Variants in TRAPPC12 observed in about 807,000 individuals in gnomAD.
TRAPPC12 encodes the protein TPR repeat protein 15.
Under a neutral mutation model 69.2 loss-of-function variants are expected in TRAPPC12, and 61 were observed. The ratio of observed to expected loss-of-function variants is 0.88; its 90% CI spans 0.72 to 1.09. The LOEUF (loss-of-function observed/expected upper bound fraction) is 1.09. Among genes scored for constraint, TRAPPC12 ranks in the 50% least tolerant of loss-of-function variants. TRAPPC12 has a pLI of 0.00. For missense variants in TRAPPC12, 1,101 were observed against 1,016.4 expected (o/e 1.08, Z -1.13); for synonymous variants, 469 against 438.9 (o/e 1.07, Z -0.86).
intron 2 of TRAPPC12, among the ~76,000 whole-genome samples, chr2:3,392,886 C>T (rs1660902433): frequency 6.6e-6 from 1 of 152,248 alleles, no homozygotes; most frequent in African/African-American, 2.4e-5. Context: ...GCGCTCCATG[C>T]TCACTGCAGA....
intron 5 of TRAPPC12, among the ~76,000 whole-genome samples, chr2:3,438,433 A>C: frequency 1.0e-5 from 1 of 96,038 alleles, no homozygotes; most frequent in African/African-American, 4.2e-5. Context: ...TAATACACCC[A>C]CTACCTCTGG....
chr2:3,467,385 T>C (rs982588338), intron 9 of TRAPPC12: 4 of 152,264 alleles, frequency 2.6e-5, no homozygotes, highest in African/African-American at 9.6e-5. Context: ...TGGGTATTTT[T>C]ACTGTTGCTG....
At chr2:3,403,799 A>C (rs1159820882) in intron 3 of TRAPPC12, among the ~76,000 whole-genome samples, 1 of 152,196 alleles carries the variant, frequency 6.6e-6, no homozygotes, top group Non-Finnish European at 1.5e-5. Context: ...TCAGAAGAAA[A>C]TAATCCCAGT....
intron 3 of TRAPPC12, among the ~76,000 whole-genome samples, chr2:3,421,014 C>G (rs1572133586): frequency 6.6e-6 from 1 of 152,216 alleles, no homozygotes; most frequent in South Asian, 2.1e-4. Flanking sequence ...ACTAACCTCC[C>G]CGCCAGCCTT....
At chr2:3,448,056 G>GT (rs1664610573) in intron 6 of TRAPPC12, among the ~76,000 whole-genome samples, 1 of 152,220 alleles carries the variant, frequency 6.6e-6, no homozygotes, top group African/African-American at 2.4e-5. Flanking sequence ...GTGCAGTCAC[G>GT]TGTTAACGCT....
chr2:3,466,893 CAT>C (rs916303924), intron 9 of TRAPPC12, among the ~76,000 whole-genome samples: 19 of 152,330 alleles, frequency 1.2e-4, no homozygotes, highest in African/African-American at 4.1e-4. Context: ...CAGGCTGCCT[CAT>C]GTGTAACATT....
intron 1 of TRAPPC12, among the ~76,000 whole-genome samples, chr2:3,381,587 G>A (rs369155538): frequency 9.8e-5 from 15 of 152,300 alleles, no homozygotes; most frequent in African/African-American, 3.6e-4. Flanking sequence ...CCAATGATAG[G>A]AGGGAGTAAA....
chr2:3,469,159 C>A (rs1004894552), intron 9 of TRAPPC12, among the ~76,000 whole-genome samples: 2 of 152,172 alleles, frequency 1.3e-5, no homozygotes, highest in African/African-American at 2.4e-5. Context: ...CAAGAAAGCA[C>A]GTGTGTTTTC....
chr2:3,432,299 C>T (rs1438792250), intron 5 of TRAPPC12, among the ~76,000 whole-genome samples: 1 of 152,214 alleles, frequency 6.6e-6, no homozygotes, highest in Non-Finnish European at 1.5e-5. Flanking sequence ...ATGGGGCAAA[C>T]ACTTCCATTA....
chr2:3,380,408 A>T (rs1660152565), intron 1 of TRAPPC12, among the ~76,000 whole-genome samples: 1 of 152,270 alleles, frequency 6.6e-6, no homozygotes, highest in African/African-American at 2.4e-5. Flanking sequence ...ATTGTAGAGT[A>T]TATTTACTGT....
intron 5 of TRAPPC12, among the ~76,000 whole-genome samples, chr2:3,430,503 G>C (rs1265477411): frequency 6.6e-6 from 1 of 152,140 alleles, no homozygotes; most frequent in African/African-American, 2.4e-5. Flanking sequence ...CATAATCTTG[G>C]CCTGTATTTC....
At chr2:3,386,490 G>C (rs894497138) in intron 1 of TRAPPC12, among the ~76,000 whole-genome samples, 8 of 152,152 alleles carry the variant, frequency 5.3e-5, no homozygotes, top group Non-Finnish European at 1.2e-4. Flanking sequence ...CGAAGACAGT[G>C]ATAGCAGCTG....
chr2:3,458,124 G>A, intron 7 of TRAPPC12: 1 of 1,025,636 alleles, frequency 9.8e-7, no homozygotes, highest in South Asian at 3.8e-5. Flanking sequence ...TGGAGAGGAA[G>A]GCCCAGAGCC....
chr2:3,393,541 C>T (rs73145203), intron 2 of TRAPPC12, among the ~76,000 whole-genome samples: 18,868 of 152,068 alleles, frequency 0.12, 1,244 homozygotes, highest in Middle Eastern at 0.28. Flanking sequence ...TGGGTAGTGA[C>T]GGTTGTGTTA....
intron 6 of TRAPPC12, among the ~76,000 whole-genome samples, chr2:3,450,900 A>G (rs1043663473): frequency 6.6e-6 from 1 of 151,976 alleles, no homozygotes; most frequent in Non-Finnish European, 1.5e-5. Flanking sequence ...GACAGCTGCC[A>G]AAGGGACAGA....
intron 5 of TRAPPC12, among the ~76,000 whole-genome samples, chr2:3,441,829 A>G (rs1280201808): frequency 6.6e-6 from 1 of 152,148 alleles, no homozygotes; most frequent in Admixed American, 6.5e-5. Context: ...TTTAATGCTA[A>G]AAAGCTTCCT....
intron 2 of TRAPPC12, among the ~76,000 whole-genome samples, chr2:3,394,996 A>G (rs997339400): frequency 4.6e-5 from 7 of 152,202 alleles, no homozygotes; most frequent in African/African-American, 9.6e-5. Context: ...ATATTTGAGT[A>G]CAGTCTTTTT....
intron 9 of TRAPPC12, among the ~76,000 whole-genome samples, chr2:3,471,481 A>G (rs1666057569): frequency 6.6e-6 from 1 of 152,192 alleles, no homozygotes; most frequent in Non-Finnish European, 1.5e-5. Flanking sequence ...TCATTTCCAC[A>G]GTCCCTTCAT....
intron 10 of TRAPPC12, among the ~76,000 whole-genome samples, chr2:3,478,387 C>G (rs1666389280): frequency 6.6e-6 from 1 of 152,216 alleles, no homozygotes; most frequent in Non-Finnish European, 1.5e-5. Flanking sequence ...AATCTCAGCA[C>G]TTTGGGAAGC....
Sources: gnomAD v4.1 joint callset for allele counts (sites outside exome capture counted in the v4.1 genomes callset) on GRCh38, gnomAD v4.1.1 for gene constraint, MANE v1.5 for transcripts, NCBI Gene and HGNC (gene_info 2026-07-23, HGNC 2026-07-21) for gene names.